MBNL2: variants seen among roughly 807,000 people sequenced by gnomAD.
MBNL2 encodes the protein muscleblind-like protein 2.
Under a neutral mutation model 41.9 loss-of-function variants are expected in MBNL2, and 17 were observed. The ratio of observed to expected loss-of-function variants is 0.41; its 90% CI spans 0.28 to 0.61. The LOEUF (loss-of-function observed/expected upper bound fraction) is 0.61, where lower values mean the gene tolerates loss of function less well. MBNL2 is among the 20% of genes least tolerant of loss of function. The pLI is 0.35. For missense variants in MBNL2, 336 were observed against 505.6 expected (o/e 0.66, Z 3.22); for synonymous variants, 195 against 182.9 (o/e 1.07, Z -0.53).
At chr13:97,282,682 C>G (rs925279169) in intron 2 of MBNL2, among the ~76,000 whole-genome samples, 1 of 152,180 alleles carries the variant, frequency 6.6e-6, no homozygotes, top group Non-Finnish European at 1.5e-5. Context: ...GTTGTACTTC[C>G]TGAAAGCAAG....
chr13:97,274,450 T>C (rs926629052), intron 1 of MBNL2, among the ~76,000 whole-genome samples: 20 of 152,068 alleles, frequency 1.3e-4, no homozygotes, highest in African/African-American at 4.8e-4. Flanking sequence ...TGAGCCGAGT[T>C]CATGCTACTG....
chr13:97,324,929 C>T (rs1189027419), intron 2 of MBNL2, among the ~76,000 whole-genome samples: 2 of 152,166 alleles, frequency 1.3e-5, no homozygotes, highest in Non-Finnish European at 2.9e-5. Context: ...GCCTTGCTGG[C>T]AGCCGATTAG....
At chr13:97,326,425 T>A (rs1440944355) in intron 2 of MBNL2, among the ~76,000 whole-genome samples, 3 of 152,342 alleles carry the variant, frequency 2.0e-5, no homozygotes, top group African/African-American at 7.2e-5. Flanking sequence ...TTTTTATCTG[T>A]CATTAATAAG....
At chr13:97,158,747 T>C in the MBNL2 span, among the ~76,000 whole-genome samples, 1 of 152,068 alleles carries the variant, frequency 6.6e-6, no homozygotes, top group African/African-American at 2.4e-5. Flanking sequence ...TTGATTGCAC[T>C]GTGGTCTGAG....
At chr13:97,337,070 T>C (rs2060948550) in intron 3 of MBNL2, among the ~76,000 whole-genome samples, 1 of 152,148 alleles carries the variant, frequency 6.6e-6, no homozygotes, top group African/African-American at 2.4e-5. Context: ...CGTTGAGTCC[T>C]AACCTCTAAG....
At chr13:97,379,674 G>A (rs2065258004) in intron 8 of MBNL2, among the ~76,000 whole-genome samples, 2 of 129,426 alleles carry the variant, frequency 1.5e-5, no homozygotes, top group Admixed American at 8.3e-5. Flanking sequence ...CAAATGGGAA[G>A]GAGAACAGAA....
chr13:97,211,719 A>C, the MBNL2 span, among the ~76,000 whole-genome samples: 4 of 152,228 alleles, frequency 2.6e-5, no homozygotes, highest in Non-Finnish European at 5.9e-5. Flanking sequence ...GAATATACCC[A>C]TGACATGATC....
chr13:97,181,703 T>C, the MBNL2 span, among the ~76,000 whole-genome samples: 1 of 152,228 alleles, frequency 6.6e-6, no homozygotes, highest in East Asian at 1.9e-4. Context: ...CAACCTCAGT[T>C]AAGCACCATT....
the MBNL2 span, among the ~76,000 whole-genome samples, chr13:97,210,571 ATTTTTTTTTTTTTTTTTTTTTTTTTT>A: frequency 2.4e-3 from 154 of 65,474 alleles, no homozygotes; most frequent in African/African-American, 8.2e-3. Context: ...ACAACTGTGA[ATTTTTTTTTTTTTTTTTTTTTTTTTT>A]TTTTTTTTTT....
At chr13:97,343,723 T>C (rs897100153) in intron 4 of MBNL2, among the ~76,000 whole-genome samples, 7 of 152,198 alleles carry the variant, frequency 4.6e-5, no homozygotes, top group African/African-American at 1.4e-4. Context: ...GCATGGCTGC[T>C]CTAGTGTGTT....
chr13:97,195,271 T>C, the MBNL2 span, among the ~76,000 whole-genome samples: 10 of 152,242 alleles, frequency 6.6e-5, no homozygotes, highest in Non-Finnish European at 1.2e-4. Flanking sequence ...TCATTTGTGA[T>C]TTCAGTTGTC....
chr13:97,230,761 T>G (rs562376148), intron 1 of MBNL2, among the ~76,000 whole-genome samples: 8 of 152,356 alleles, frequency 5.3e-5, no homozygotes, highest in African/African-American at 1.9e-4. Flanking sequence ...TCTCCTGGGT[T>G]GAACTACTCT....
At chr13:97,259,080 A>C (rs2048105835) in intron 1 of MBNL2, among the ~76,000 whole-genome samples, 5 of 152,164 alleles carry the variant, frequency 3.3e-5, no homozygotes. Context: ...CTTAATGAGA[A>C]TCATGTTCAC....
At chr13:97,256,817 A>C (rs2047637954) in intron 1 of MBNL2, among the ~76,000 whole-genome samples, 1 of 152,168 alleles carries the variant, frequency 6.6e-6, no homozygotes. Context: ...TGTGGATTCA[A>C]GTAAGCAATC....
intron 2 of MBNL2, among the ~76,000 whole-genome samples, chr13:97,324,757 C>T (rs758706818): frequency 5.9e-5 from 9 of 152,086 alleles, no homozygotes; most frequent in Admixed American, 2.6e-4. Flanking sequence ...GCCAAAGGTC[C>T]GAGAGCCCCT....
intron 1 of MBNL2, among the ~76,000 whole-genome samples, chr13:97,223,432 C>A (rs1161633423): frequency 6.6e-6 from 1 of 152,162 alleles, no homozygotes; most frequent in Non-Finnish European, 1.5e-5. Flanking sequence ...TGCCCTTTTC[C>A]GTTTTAAATT....
Position 97,222,500 on chromosome 13 carries a change from G to T in MBNL2, c.-636G>T. ...TCTGCCAGATGTTCCTGGGGTTACT[G>T]TAAATGGGAAGGACAGGCAGAGCTA... On this transcript the variant is annotated 5_prime_UTR_variant, in exon 1 of 9. Coordinates refer to ENST00000679496, the MANE Select transcript of MBNL2 (RefSeq NM_001382683.1). The T allele has an allele frequency of 2.5e-6, 1 of 398,642 alleles. No individual in the cohort carries two copies. Among genetic ancestry groups the T allele is most frequent in the Non-Finnish European group, 4.4e-6 (1 of 226,064 alleles). The allele number at this position is 398,642 out of a possible 1,614,324, so 24.7% of individuals were successfully genotyped here.
At chr13:97,187,607 A>T in the MBNL2 span, among the ~76,000 whole-genome samples, 1 of 145,424 alleles carries the variant, frequency 6.9e-6, no homozygotes, top group Non-Finnish European at 1.5e-5. Context: ...AAAAAAAAAA[A>T]AAAAAAAAAA....
At chr13:97,386,085 G>A (rs1176250225) in intron 8 of MBNL2, among the ~76,000 whole-genome samples, 1 of 152,118 alleles carries the variant, frequency 6.6e-6, no homozygotes, top group Non-Finnish European at 1.5e-5. Flanking sequence ...TTAGGTAGAG[G>A]GTGCCTTGTT....
Sources: gnomAD v4.1 joint callset for allele counts (sites outside exome capture counted in the v4.1 genomes callset) on GRCh38, gnomAD v4.1.1 for gene constraint, MANE v1.5 for transcripts, NCBI Gene and HGNC (gene_info 2026-07-23, HGNC 2026-07-21) for gene names.